IKZF3: variants seen among roughly 807,000 people sequenced by gnomAD.
IKZF3 encodes the protein zinc finger protein Aiolos.
Under a neutral mutation model 49.0 loss-of-function variants are expected in IKZF3, and 10 were observed. The ratio of observed to expected loss-of-function variants is 0.20; its 90% CI spans 0.13 to 0.35. The LOEUF (loss-of-function observed/expected upper bound fraction) is 0.35. Among genes scored for constraint, IKZF3 ranks in the 10% least tolerant of loss-of-function variants. IKZF3 has a pLI of 1.00. For missense variants in IKZF3, 498 were observed against 664.8 expected, an observed-to-expected ratio of 0.75 and a Z score of 2.76; for synonymous variants, 209 against 228.2, an observed-to-expected ratio of 0.92 and a Z score of 0.76.
chr17:39,832,088 C>G lies in IKZF3; in HGVS notation c.61+10G>C. On this transcript the variant is annotated intron_variant, in intron 2 of 7. Coordinates refer to ENST00000346872, the MANE Select transcript of IKZF3 (RefSeq NM_012481.5). ...AGGTATATTTCCAGAGAGGAAAGACCTGATGTTACCTGCGGGCACAGACTG... is the reference window on the plus strand; with the variant it reads ...AGGTATATTTCCAGAGAGGAAAGACGTGATGTTACCTGCGGGCACAGACTG... 6.2e-7 allele frequency: 1 copy of G among 1,602,854 alleles called. No individual in the cohort carries two copies. The highest frequency in any genetic ancestry group is 8.5e-7 in the Non-Finnish European group (1 of 1,171,172).
intron 1 of IKZF3, among the ~76,000 whole-genome samples, chr17:39,840,563 A>G (rs1409848132): frequency 6.6e-6 from 1 of 152,236 alleles, no homozygotes; most frequent in Non-Finnish European, 1.5e-5. Context: ...AACTATTTAG[A>G]AAAGTACTGA....
chr17:39,791,825 G>A (rs1350584447), intron 4 of IKZF3, among the ~76,000 whole-genome samples: 1 of 150,600 alleles, frequency 6.6e-6, no homozygotes, highest in African/African-American at 2.4e-5. Context: ...AAAGAAACAA[G>A]AGCAGCTCTA....
intron 3 of IKZF3, among the ~76,000 whole-genome samples, chr17:39,819,141 A>G (rs1440672347): frequency 6.6e-6 from 1 of 152,200 alleles, no homozygotes; most frequent in Non-Finnish European, 1.5e-5. Flanking sequence ...TTAAATTCCT[A>G]TTGTTGAATG....
intron 1 of IKZF3, chr17:39,835,229 C>T: frequency 1.9e-6 from 1 of 529,294 alleles, no homozygotes; most frequent in Non-Finnish European, 3.7e-6. Flanking sequence ...CCTTGCCCTC[C>T]AGCAACTTCC....
chr17:39,834,153 G>A (rs908022741), intron 1 of IKZF3, among the ~76,000 whole-genome samples: 1 of 152,150 alleles, frequency 6.6e-6, no homozygotes, highest in African/African-American at 2.4e-5. Flanking sequence ...GATCATCCTT[G>A]CACAAGTATT....
At chr17:39,795,060 C>T (rs1038758100) in intron 3 of IKZF3, among the ~76,000 whole-genome samples, 2 of 152,194 alleles carry the variant, frequency 1.3e-5, no homozygotes, top group African/African-American at 4.8e-5. Context: ...GGTCACTGAA[C>T]TTTAAAATGT....
chr17:39,767,701 T>C (rs2060329324), intron 7 of IKZF3, among the ~76,000 whole-genome samples: 1 of 152,168 alleles, frequency 6.6e-6, no homozygotes. Flanking sequence ...GTTCCTGTTC[T>C]TGAGGTGTCT....
Position 39,829,490 on chromosome 17 carries a change from T to C in IKZF3, c.62-2A>G. The stretch of plus-strand genomic sequence containing the variant: ...AGTCATTCAAAACCGCTGCACTTTC[T>C]AAAAGATAAAAGGAATTTTAAGTAT... On this transcript the variant is annotated splice_acceptor_variant, in intron 2 of 7. Coordinates refer to ENST00000346872, the MANE Select transcript of IKZF3 (RefSeq NM_012481.5). LOFTEE classifies it high-confidence loss of function. 2 of 1,599,330 alleles carry C rather than the reference T, an allele frequency of 1.3e-6. No individual in the cohort carries two copies. The highest frequency in any genetic ancestry group is 1.7e-6 in the Non-Finnish European group (2 of 1,166,690).
intron 7 of IKZF3, among the ~76,000 whole-genome samples, chr17:39,773,532 A>C (rs967768440): frequency 1.3e-5 from 2 of 152,328 alleles, no homozygotes; most frequent in African/African-American, 4.8e-5. Flanking sequence ...AACCTCATTA[A>C]CATGTTTACC....
chr17:39,825,943 A>G (rs766235306), intron 3 of IKZF3, among the ~76,000 whole-genome samples: 10 of 152,122 alleles, frequency 6.6e-5, no homozygotes, highest in Admixed American at 1.3e-4. Context: ...CCTACAATTG[A>G]CTTTGGAACT....
At chr17:39,799,624 A>T (rs987215193) in intron 3 of IKZF3, among the ~76,000 whole-genome samples, 4 of 152,206 alleles carry the variant, frequency 2.6e-5, no homozygotes, top group African/African-American at 9.6e-5. Flanking sequence ...ACTGGACCAG[A>T]ATTTGCATTT....
intron 3 of IKZF3, among the ~76,000 whole-genome samples, chr17:39,825,021 G>A (rs935509080): frequency 6.6e-6 from 1 of 152,126 alleles, no homozygotes; most frequent in Admixed American, 6.5e-5. Context: ...ATAAGTGTCT[G>A]GCATTTCCCT....
chr17:39,858,016 T>C (rs1170288176), intron 1 of IKZF3, among the ~76,000 whole-genome samples: 1 of 149,756 alleles, frequency 6.7e-6, no homozygotes, highest in Admixed American at 6.6e-5. Context: ...AAAATAACAG[T>C]CTAGAAGGGG....
intron 1 of IKZF3, among the ~76,000 whole-genome samples, chr17:39,860,198 G>A (rs1289134282): frequency 6.6e-6 from 1 of 151,930 alleles, no homozygotes; most frequent in Non-Finnish European, 1.5e-5. Flanking sequence ...GAGCCTAGGA[G>A]TTTGTGGTAG....
intron 1 of IKZF3, among the ~76,000 whole-genome samples, chr17:39,845,672 A>C (rs1465983616): frequency 1.3e-5 from 2 of 152,156 alleles, no homozygotes; most frequent in Non-Finnish European, 2.9e-5. Flanking sequence ...AACATTCACT[A>C]TCTGGTCCTT....
At chr17:39,853,377 GTTC>G (rs2062939242) in intron 1 of IKZF3, among the ~76,000 whole-genome samples, 2 of 152,026 alleles carry the variant, frequency 1.3e-5, no homozygotes, top group African/African-American at 4.8e-5. Flanking sequence ...TAAAACTGTC[GTTC>G]TTCAACTATC....
intron 7 of IKZF3, among the ~76,000 whole-genome samples, chr17:39,770,056 C>T (rs1461153434): frequency 4.6e-5 from 7 of 152,300 alleles, no homozygotes; most frequent in African/African-American, 1.4e-4. Context: ...CAGATCCCCT[C>T]GTCTCTGAGT....
Position 39,772,339 on chromosome 17 carries a change from T to TGG in IKZF3, c.826+5310_826+5311dup, listed in dbSNP as rs770156273. Among the ~76,000 whole-genome samples, 162 of 152,268 alleles carry TGG rather than the reference T, an allele frequency of 1.1e-3. 2 individuals are homozygous for TGG. Among genetic ancestry groups the TGG allele is most frequent in the Non-Finnish European group, 1.3e-3 (91 of 68,026 alleles). On this transcript the variant is annotated intron_variant, in intron 7 of 7. Coordinates refer to ENST00000346872, the MANE Select transcript of IKZF3 (RefSeq NM_012481.5). The stretch of plus-strand genomic sequence containing the variant: ...AATCCAATATTTAGAGTCACCATGA[T>TGG]GGGGTAAGGTGAAATATTCAGGTCT...
At chr17:39,805,313 A>G (rs1452148339) in intron 3 of IKZF3, among the ~76,000 whole-genome samples, 1 of 152,236 alleles carries the variant, frequency 6.6e-6, no homozygotes, top group Non-Finnish European at 1.5e-5. Flanking sequence ...GTGTTTTTAA[A>G]AATTGTACAG....
Sources: allele counts gnomAD v4.1 joint callset (sites outside exome capture counted in the v4.1 genomes callset), GRCh38; gene constraint gnomAD v4.1.1; transcripts MANE v1.5; gene names NCBI Gene and HGNC (gene_info 2026-07-23, HGNC 2026-07-21).